The following CACNA1C variants were observed in gnomAD, a reference collection of about 807,000 sequenced individuals.
CACNA1C encodes the protein calcium voltage-gated channel subunit alpha1 C, also known as voltage-dependent L-type calcium channel subunit alpha-1C.
CACNA1C carries 30 observed loss-of-function variants against 229.0 expected under a neutral mutation model. That is an observed-to-expected ratio of 0.13 (90% confidence interval 0.10 to 0.18). CACNA1C has a LOEUF of 0.18. CACNA1C is among the 10% of genes least tolerant of loss of function. The probability of loss-of-function intolerance (pLI) is 1.00; values close to 1 mark genes in which losing one functional copy is unlikely to be tolerated. For missense variants in CACNA1C, 1,658 were observed against 2,845.0 expected (o/e 0.58, Z 9.49); for synonymous variants, 1,114 against 1,132.5 (o/e 0.98, Z 0.33).
chr12:2,667,285 C>CCGTGGCCATTCCGT lies in CACNA1C; in HGVS notation c.4623+503_4623+504insCGTGGCCATTCCGT, dbSNP rs1569148808. On this transcript the variant is annotated intron_variant, in intron 37 of 46. Transcript: ENST00000399655. Reference sequence around the variant, plus strand: ...CCTCCCCTCCACCATGGCCACTCCACGCTCCTTTTCTCCCTCCTCTCCACC... The same window carrying CCGTGGCCATTCCGT: ...CCTCCCCTCCACCATGGCCACTCCACCGTGGCCATTCCGTGCTCCTTTTCTCCCTCCTCTCCACC... 3.5e-4 allele frequency among the ~76,000 whole-genome samples: 44 copies of CCGTGGCCATTCCGT among 127,430 alleles called. 1 individual carries two copies. Among genetic ancestry groups the CCGTGGCCATTCCGT allele is most frequent in the African/African-American group, 1.6e-3 (43 of 27,126 alleles). The allele number at this position is 127,430 out of a possible 152,430, so 83.6% of individuals were successfully genotyped here.
At chr12:2,123,611 G>A (rs1397345532) in intron 3 of CACNA1C, among the ~76,000 whole-genome samples, 2 of 152,072 alleles carry the variant, frequency 1.3e-5, no homozygotes, top group South Asian at 2.1e-4. Context: ...TGAAGAAAAC[G>A]AAACATAGCC....
At chr12:2,637,301 G>T (rs1292392073) in intron 30 of CACNA1C, among the ~76,000 whole-genome samples, 1 of 152,202 alleles carries the variant, frequency 6.6e-6, no homozygotes. Context: ...TGTGGAATGG[G>T]AGGAACTGTG....
At chr12:2,383,604 A>G (rs530247357) in intron 3 of CACNA1C, among the ~76,000 whole-genome samples, 1 of 152,314 alleles carries the variant, frequency 6.6e-6, no homozygotes, top group African/African-American at 2.4e-5. Flanking sequence ...CTCGTCTGCA[A>G]TGATAATGTG....
At chr12:2,231,666 G>T (rs923504284) in intron 3 of CACNA1C, among the ~76,000 whole-genome samples, 2 of 152,090 alleles carry the variant, frequency 1.3e-5, no homozygotes, top group Non-Finnish European at 2.9e-5. Flanking sequence ...AGCAGCGCCC[G>T]GTACACACCT....
chr12:2,239,858 G>T (rs1600277803), intron 3 of CACNA1C, among the ~76,000 whole-genome samples: 1 of 152,348 alleles, frequency 6.6e-6, no homozygotes, highest in East Asian at 1.9e-4. Context: ...CAGACAAGGG[G>T]CAGGGAGGGC....
chr12:2,115,162 G>A, intron 1 of CACNA1C, 62 bp from the exon 2 acceptor site: 1 of 1,262,354 alleles, frequency 7.9e-7, no homozygotes, highest in Admixed American at 2.7e-5. Flanking sequence ...GGTCCAGAGA[G>A]TGTCGGAAGT....
chr12:2,379,646 C>T (rs2098176971), intron 3 of CACNA1C, among the ~76,000 whole-genome samples: 1 of 152,110 alleles, frequency 6.6e-6, no homozygotes, highest in African/African-American at 2.4e-5. Flanking sequence ...AAGTAACTGG[C>T]CCATGGTCAC....
intron 3 of CACNA1C, among the ~76,000 whole-genome samples, chr12:2,172,322 A>G (rs1250392055): frequency 6.6e-6 from 1 of 152,200 alleles, no homozygotes; most frequent in African/African-American, 2.4e-5. Context: ...TCCTGCTGTA[A>G]TGTCAGTTTA....
intron 3 of CACNA1C, among the ~76,000 whole-genome samples, chr12:2,151,130 A>G (rs992525085): frequency 6.6e-6 from 1 of 152,214 alleles, no homozygotes; most frequent in Non-Finnish European, 1.5e-5. Context: ...CAGGATTCCT[A>G]TGGCCACAAC....
At chr12:2,323,246 G>A (rs2096109055) in intron 3 of CACNA1C, among the ~76,000 whole-genome samples, 1 of 152,148 alleles carries the variant, frequency 6.6e-6, no homozygotes, top group Admixed American at 6.6e-5. Flanking sequence ...AAGTTCTGAA[G>A]ATGTTCTTTA....
Position 2,607,096 on chromosome 12 carries a change from C to G in CACNA1C, c.3322C>G (p.Leu1108Val). The G allele has an allele frequency of 6.2e-7, 1 of 1,613,856 alleles. No individual in the cohort carries two copies. Among genetic ancestry groups the G allele is most frequent in the Non-Finnish European group, 8.5e-7 (1 of 1,179,870 alleles). The change falls in exon 26 of 47, where the codon CTC becomes GTC. Residue 1108 changes from leucine to valine, a missense_variant. By Grantham distance (32) the Leu-to-Val change is conservative. Around this residue, in one of 20 missense-constraint regions of CACNA1C, gnomAD observed 77 missense variants for 130.9 expected, o/e 0.59. Coordinates refer to ENST00000399655, the MANE Select transcript of CACNA1C (RefSeq NM_000719.7). Reference sequence around the variant, plus strand: ...CAATGTTCTGGCAGCCATGATGGCCCTCTTCACCGTCTCCACCTTCGAAGG... The same window carrying G: ...CAATGTTCTGGCAGCCATGATGGCCGTCTTCACCGTCTCCACCTTCGAAGG... ...FDNVLAAMMA[L>V]FTVSTFEGWP...
intron 8 of CACNA1C, among the ~76,000 whole-genome samples, chr12:2,511,595 TAC>T: frequency 6.8e-6 from 1 of 146,382 alleles, no homozygotes; most frequent in South Asian, 2.2e-4. Flanking sequence ...CACACACAAA[TAC>T]ACACATACAT....
intron 3 of CACNA1C, among the ~76,000 whole-genome samples, chr12:2,386,902 A>T (rs1470010654): frequency 6.6e-6 from 1 of 152,118 alleles, no homozygotes. Context: ...CCTCCACCTG[A>T]CCCAGCCTTT....
chr12:2,400,188 G>A lies in CACNA1C; in HGVS notation c.478-48788G>A, dbSNP rs540789915. 2.6e-5 allele frequency among the ~76,000 whole-genome samples: 4 copies of A among 152,266 alleles called. No homozygotes were observed. The East Asian group carries it at 7.7e-4, about 29-fold the overall frequency. The stretch of plus-strand genomic sequence containing the variant: ...TACACAGCTAAGAACTGAGGCTCGG[G>A]AAAGTTAAATAACATGGATCACTGG... On this transcript the variant is annotated intron_variant, in intron 3 of 46. Coordinates refer to ENST00000399655, the MANE Select transcript of CACNA1C (RefSeq NM_000719.7).
intron 3 of CACNA1C, among the ~76,000 whole-genome samples, chr12:2,296,285 C>G (rs889626443): frequency 2.0e-5 from 3 of 152,216 alleles, no homozygotes; most frequent in Non-Finnish European, 2.9e-5. Flanking sequence ...ACCCTAGTGG[C>G]AGGGGAACCT....
rs1036766978 is a variant in CACNA1C, at chr12:2,589,643, G to A, written c.2531-3570G>A. The stretch of plus-strand genomic sequence containing the variant: ...CAGTGCCCTAGAGGGCCACCAGAAC[G>A]TCTGAGCAGAGGAGGCCCTGACCTG... On this transcript the variant is annotated intron_variant, in intron 18 of 46. Coordinates refer to ENST00000399655, the MANE Select transcript of CACNA1C (RefSeq NM_000719.7). 2.6e-5 allele frequency among the ~76,000 whole-genome samples: 4 copies of A among 151,996 alleles called. 1 individual carries two copies. The highest frequency in any genetic ancestry group is 5.9e-5 in the Non-Finnish European group (4 of 67,922).
At chr12:2,297,901 T>A (rs2094207526) in intron 3 of CACNA1C, among the ~76,000 whole-genome samples, 1 of 151,696 alleles carries the variant, frequency 6.6e-6, no homozygotes, top group Admixed American at 6.6e-5. Flanking sequence ...CGTGTGCACA[T>A]GCAAATAAAT....
intron 5 of CACNA1C, among the ~76,000 whole-genome samples, chr12:2,463,140 A>G (rs1266597462): frequency 6.6e-6 from 1 of 151,994 alleles, no homozygotes; most frequent in Non-Finnish European, 1.5e-5. Context: ...CGATCTCCTG[A>G]CCTCGTGATC....
At chr12:1,986,180 G>T (rs967520127) in intron 1 of CACNA1C, among the ~76,000 whole-genome samples, 1 of 152,326 alleles carries the variant, frequency 6.6e-6, no homozygotes, top group African/African-American at 2.4e-5. Context: ...TGGAATAATG[G>T]TTTATATTGT....
Sources: gnomAD v4.1 joint callset for allele counts (sites outside exome capture counted in the v4.1 genomes callset) on GRCh38, gnomAD v4.1.1 for gene constraint, gnomAD v4.1.1 regional missense constraint, MANE v1.5 for transcripts, NCBI Gene and HGNC (gene_info 2026-07-23, HGNC 2026-07-21) for gene names.